The following FLRT1 variants were observed in gnomAD, a reference collection of about 807,000 sequenced individuals.
The protein encoded by FLRT1 is fibronectin leucine rich transmembrane protein 1, also known as leucine-rich repeat transmembrane protein FLRT1.
In FLRT1, 14 loss-of-function variants were observed where a neutral mutation model predicts 30.9. The ratio of observed to expected loss-of-function variants is 0.45; its 90% confidence interval spans 0.30 to 0.71. The LOEUF (loss-of-function observed/expected upper bound fraction) is 0.71, where lower values mean the gene tolerates loss of function less well. Ranked by LOEUF, FLRT1 falls within the 30% of genes least tolerant of loss-of-function variation. The pLI, the probability that FLRT1 is intolerant of heterozygous loss-of-function variation, is 0.08. For synonymous variants in FLRT1, 368 were observed against 430.4 expected (o/e 0.85, Z 1.80); for missense variants, 737 against 949.2 (o/e 0.78, Z 2.94).
Position 64,116,414 on chromosome 11 carries a change from C to T in FLRT1, c.147C>T (p.Ile49=), listed in dbSNP as rs765574524. 7 of 1,613,872 alleles carry T rather than the reference C, an allele frequency of 4.3e-6. No homozygotes were observed. Among genetic ancestry groups the T allele is most frequent in the East Asian group, 4.5e-5 (2 of 44,894 alleles). The change falls in exon 3 of 3, where the codon ATC becomes ATT. Residue 49 remains isoleucine, a synonymous_variant. Coordinates refer to ENST00000682287, the MANE Select transcript of FLRT1 (RefSeq NM_013280.5). Reference sequence around the variant, plus strand: ...TCATCGCCTTCCTGACGGAGGTCATCGACAGCACCACCTGCCCCTCGGTGT... The same window carrying T: ...TCATCGCCTTCCTGACGGAGGTCATTGACAGCACCACCTGCCCCTCGGTGT... The part of the protein sequence containing the change: ...YGLIAFLTEV[I]DSTTCPSVCR...
At chr11:64,063,235 G>A (rs1943937458) in intron 1 of FLRT1, among the ~76,000 whole-genome samples, 1 of 152,044 alleles carries the variant, frequency 6.6e-6, no homozygotes, top group South Asian at 2.1e-4. Flanking sequence ...CTGTGCCTCA[G>A]TTTCCTCATC....
chr11:64,104,202 A>G (rs1037327468), intron 2 of FLRT1, 21 bp downstream of exon 2: 1 of 152,326 alleles, frequency 6.6e-6, no homozygotes, highest in Non-Finnish European at 1.5e-5. Context: ...AGGACAAGGG[A>G]AGAGGGACGC....
chr11:64,046,693 T>C (rs1590834318), intron 1 of FLRT1, among the ~76,000 whole-genome samples: 2 of 152,272 alleles, frequency 1.3e-5, no homozygotes, highest in Non-Finnish European at 1.5e-5. Flanking sequence ...GAAGCAGGGT[T>C]TCACCATGTT....
chr11:64,071,528 C>T (rs1723388481), intron 1 of FLRT1, among the ~76,000 whole-genome samples: 1 of 152,146 alleles, frequency 6.6e-6, no homozygotes, highest in African/African-American at 2.4e-5. Context: ...TGGGGCCCAT[C>T]CCAGACCAGG....
Position 64,117,828 on chromosome 11 carries a change from A to G in FLRT1, c.1561A>G (p.Thr521Ala). The change falls in exon 3 of 3, where the codon ACA becomes GCA. Residue 521 changes from threonine to alanine, a missense_variant. Transcript: ENST00000682287. ...CAGCAATGCCTACGTAGCTGATGAG[A>G]CACCCGTGTGTGCCAAGGCAGAGAC... ...ETSNAYVADE[T>A]PVCAKAETAD... is the part of the protein sequence containing the mutation. 2 of 1,614,178 alleles carry G rather than the reference A, an allele frequency of 1.2e-6. No homozygotes were observed. The highest frequency in any genetic ancestry group is 1.7e-6 in the Non-Finnish European group (2 of 1,180,026).
chr11:64,100,203 G>C (rs1022846044), intron 1 of FLRT1, among the ~76,000 whole-genome samples: 12 of 152,198 alleles, frequency 7.9e-5, no homozygotes, highest in African/African-American at 2.7e-4. Flanking sequence ...GAAAGGACAA[G>C]GTGCATTGTC....
intron 1 of FLRT1, among the ~76,000 whole-genome samples, chr11:64,100,022 C>T (rs1944644361): frequency 6.6e-6 from 1 of 152,086 alleles, no homozygotes; most frequent in South Asian, 2.1e-4. Flanking sequence ...AGTAGTGCAG[C>T]AAGAAGGAAA....
chr11:64,057,511 C>A (rs1315395162), intron 1 of FLRT1, among the ~76,000 whole-genome samples: 1 of 152,210 alleles, frequency 6.6e-6, no homozygotes, highest in African/African-American at 2.4e-5. Context: ...TGGAGGCAAG[C>A]CCAGCTCTCC....
chr11:64,083,602 C>T (rs748894751), intron 1 of FLRT1, among the ~76,000 whole-genome samples: 30 of 152,252 alleles, frequency 2.0e-4, no homozygotes, highest in South Asian at 4.1e-4. Context: ...GAGAACGAGC[C>T]GGGAATAAAT....
chr11:64,065,483 C>T (rs1943981559), intron 1 of FLRT1, among the ~76,000 whole-genome samples: 1 of 152,124 alleles, frequency 6.6e-6, no homozygotes, highest in Non-Finnish European at 1.5e-5. Flanking sequence ...TCCTGAGCTA[C>T]AGAGGACTTA....
rs762784573 is a variant in FLRT1 at position 64,117,569 on chromosome 11, T to C, written c.1302T>C (p.Asp434=). 5.6e-6 allele frequency: 9 copies of C among 1,607,838 alleles called. No homozygotes were observed. Among genetic ancestry groups the C allele is most frequent in the Non-Finnish European group, 7.7e-6 (9 of 1,175,950 alleles). The change falls in exon 3 of 3, where the codon GAT becomes GAC. Residue 434 remains aspartate, a synonymous_variant. Coordinates refer to ENST00000682287, the MANE Select transcript of FLRT1 (RefSeq NM_013280.5). ...TTGACTACCCCATGGCCACGGGTGA[T>C]GGCGCCAAGACCCTGGCCATCCACG... is the stretch of plus-strand genomic sequence containing the variant. ...SNIDYPMATG[D]GAKTLAIHVK... is the part of the protein sequence containing the mutation.
At chr11:64,056,347 G>A (rs769681473) in intron 1 of FLRT1, among the ~76,000 whole-genome samples, 4 of 152,052 alleles carry the variant, frequency 2.6e-5, no homozygotes, top group South Asian at 4.1e-4. Context: ...GCCACTCCCC[G>A]CCCAGGCTCT....
At chr11:64,076,435 TGGATGGATGGATGGAC>T (rs1202370125) in intron 1 of FLRT1, among the ~76,000 whole-genome samples, 1 of 151,688 alleles carries the variant, frequency 6.6e-6, no homozygotes. Flanking sequence ...TCAACTGTAC[TGGATGGATGGATGGAC>T]GGATGGATGG....
intron 1 of FLRT1, among the ~76,000 whole-genome samples, chr11:64,040,560 C>T (rs912860988): frequency 5.9e-5 from 9 of 152,224 alleles, no homozygotes; most frequent in African/African-American, 2.2e-4. Context: ...GAGTGGGCTT[C>T]CTAGGCCCGG....
chr11:64,112,297 A>C (rs886648313), intron 2 of FLRT1, among the ~76,000 whole-genome samples: 1 of 152,152 alleles, frequency 6.6e-6, no homozygotes, highest in African/African-American at 2.4e-5. Flanking sequence ...GTGGATCACG[A>C]GGTCAAGAGA....
At chr11:64,038,955 A>T (rs1330306338) in intron 1 of FLRT1, among the ~76,000 whole-genome samples, 1 of 152,156 alleles carries the variant, frequency 6.6e-6, no homozygotes, top group Non-Finnish European at 1.5e-5. Context: ...GATGCGTATG[A>T]GGTTTCTAGC....
At chr11:64,054,005 GACTCCTT>G (rs2134419173) in intron 1 of FLRT1, among the ~76,000 whole-genome samples, 1 of 152,254 alleles carries the variant, frequency 6.6e-6, no homozygotes. Context: ...TGATCTAGTT[GACTCCTT>G]GCTCCCACGT....
chr11:64,045,125 G>T (rs1943559751), intron 1 of FLRT1, among the ~76,000 whole-genome samples: 1 of 152,144 alleles, frequency 6.6e-6, no homozygotes, highest in Non-Finnish European at 1.5e-5. Context: ...ATGTGCTTCT[G>T]CCTCGGCCGA....
chr11:64,118,594 GT>G lies in FLRT1; in HGVS notation c.*314del, dbSNP rs10570373. 122,409 of 239,732 alleles carry G rather than the reference GT, an allele frequency of 0.51. 30,336 individuals carry two copies. Among genetic ancestry groups the G allele is most frequent in the Non-Finnish European group, 0.61 (68,928 of 113,806 alleles). The allele number at this position is 239,732 out of a possible 1,614,324, so 14.9% of individuals were successfully genotyped here. A position where few individuals can be genotyped will look rare whatever the true frequency, so the allele number is the denominator to read the frequency against. On this transcript the variant is annotated 3_prime_UTR_variant, in exon 3 of 3. Transcript: ENST00000682287. ...AATATTGCAGGCAGGGCTGGGTTGGGTTTTTTTTTTTTCCCCCCTGAACTGG... is the reference window on the plus strand; with the variant it reads ...AATATTGCAGGCAGGGCTGGGTTGGGTTTTTTTTTTTCCCCCCTGAACTGG...
Sources: gnomAD v4.1 joint callset for allele counts (sites outside exome capture counted in the v4.1 genomes callset) on GRCh38, gnomAD v4.1.1 for gene constraint, MANE v1.5 for transcripts, NCBI Gene and HGNC (gene_info 2026-07-23, HGNC 2026-07-21) for gene names.